RXRA: variants seen among roughly 807,000 people sequenced by gnomAD.
The protein encoded by RXRA is retinoid X receptor alpha.
A neutral mutation model predicts 44.5 loss-of-function variants in RXRA; 5 were observed. The ratio of observed to expected loss-of-function variants is 0.11; its 90% CI spans 0.06 to 0.24. The LOEUF is 0.24. Ranked by LOEUF, RXRA falls within the 10% of genes least tolerant of loss-of-function variation. The probability of loss-of-function intolerance (pLI) is 1.00; values close to 1 mark genes in which losing one functional copy is unlikely to be tolerated. For synonymous variants in RXRA, 291 were observed against 271.4 expected, an observed-to-expected ratio of 1.07 and a Z score of -0.71; for missense variants, 412 against 646.5, an observed-to-expected ratio of 0.64 and a Z score of 3.93.
intron 1 of RXRA, among the ~76,000 whole-genome samples, chr9:134,399,526 G>C (rs578226338): frequency 1.2e-3 from 186 of 152,294 alleles, no homozygotes; most frequent in African/African-American, 4.3e-3. Flanking sequence ...TGCACCTGGG[G>C]ATTCTGGATG....
chr9:134,430,088 G>T (rs550581316), intron 7 of RXRA, among the ~76,000 whole-genome samples: 1 of 152,118 alleles, frequency 6.6e-6, no homozygotes, highest in East Asian at 1.9e-4. Flanking sequence ...GGGTTTCACC[G>T]TGTTAGCCAG....
intron 1 of RXRA, among the ~76,000 whole-genome samples, chr9:134,391,506 G>A (rs1298959346): frequency 6.6e-6 from 1 of 152,202 alleles, no homozygotes; most frequent in African/African-American, 2.4e-5. Flanking sequence ...CACACAGGCG[G>A]GCTGTGGGGC....
rs1831488964 is a variant in RXRA at position 134,429,247 on chromosome 9, G to A, written c.1043+7G>A. 1.2e-6 allele frequency: 2 copies of A among 1,610,656 alleles called. No individual in the cohort carries two copies. The highest frequency in any genetic ancestry group is 4.5e-5 in the East Asian group (2 of 44,844). ...TGGGCGCCATCTTTGACAGGTGGGG[G>A]TGGTCCCGGGAGGGGCGAGGGCGCT... On this transcript the variant is annotated splice_region_variant and intron_variant, in intron 7 of 9. Transcript: ENST00000481739.
chr9:134,380,872 A>C (rs145442017), intron 1 of RXRA, among the ~76,000 whole-genome samples: 1 of 151,982 alleles, frequency 6.6e-6, no homozygotes, highest in Non-Finnish European at 1.5e-5. Context: ...CCTTCTACCC[A>C]TGGCCGGATC....
At chr9:134,409,244 C>A in intron 4 of RXRA, 125 bp downstream of exon 4, 1 of 1,020,298 alleles carries the variant, frequency 9.8e-7, no homozygotes, top group Non-Finnish European at 1.4e-6. Flanking sequence ...ATGGCAAGGC[C>A]AAGGCAGGAG....
At chr9:134,344,070 C>T (rs782684793) in intron 1 of RXRA, among the ~76,000 whole-genome samples, 1 of 152,236 alleles carries the variant, frequency 6.6e-6, no homozygotes, top group Non-Finnish European at 1.5e-5. Flanking sequence ...CTCTGCCTGG[C>T]GTGTGTGCCT....
chr9:134,368,895 TA>T (rs1830449484), intron 1 of RXRA, among the ~76,000 whole-genome samples: 2 of 57,116 alleles, frequency 3.5e-5, no homozygotes, highest in East Asian at 5.8e-4. Flanking sequence ...GTGCAGGGGT[TA>T]TGTGTGTGTG....
chr9:134,337,911 G>A (rs1830030834), intron 1 of RXRA, among the ~76,000 whole-genome samples: 1 of 152,128 alleles, frequency 6.6e-6, no homozygotes, highest in Non-Finnish European at 1.5e-5. Flanking sequence ...CAGTTCAGGT[G>A]GCCGCGTGCC....
chr9:134,429,205 C>T lies in RXRA; in HGVS notation c.1008C>T (p.Ser336=), dbSNP rs759299186. 166 of 1,612,726 alleles carry T rather than the reference C, an allele frequency of 1.0e-4. No homozygotes were observed. The highest frequency in any genetic ancestry group is 1.1e-4 in the Non-Finnish European group (127 of 1,179,930). Residue 336 remains serine, a synonymous_variant, in exon 7 of 10, where the codon AGC becomes AGT. Transcript: ENST00000481739. The part of the protein sequence containing the change: ...LATGLHVHRN[S]AHSAGVGAIF... ...CCGGGCTGCACGTCCACCGGAACAG[C>T]GCCCACAGCGCAGGGGTGGGCGCCA...
intron 1 of RXRA, among the ~76,000 whole-genome samples, chr9:134,376,425 C>T (rs1168279031): frequency 1.3e-5 from 2 of 152,210 alleles, no homozygotes; most frequent in Admixed American, 1.3e-4. Context: ...GAGGTCCCTC[C>T]AGTGGCCCAA....
At chr9:134,388,282 A>AGTGTGTGTGTGTGTGTGTGT (rs766270667) in intron 1 of RXRA, among the ~76,000 whole-genome samples, 1 of 17,872 alleles carries the variant, frequency 5.6e-5, no homozygotes, top group Non-Finnish European at 1.0e-4. Flanking sequence ...AGCTAGAAGC[A>AGTGTGTGTGTGTGTGTGTGT]GTGTGTGTGT....
At position 134,343,835 on chromosome 9, in the gene RXRA, C is replaced by T. The variant is rs782544407; in HGVS notation, c.28+17176C>T. Among the ~76,000 whole-genome samples the T allele has an allele frequency of 4.6e-5, 7 of 152,074 alleles. No individual in the cohort carries two copies. The highest frequency in any genetic ancestry group is 3.9e-4 in the East Asian group (2 of 5,144). On this transcript the variant is annotated intron_variant, in intron 1 of 9. Transcript: ENST00000481739. The surrounding 1 kb of genome is among the most constrained non-coding windows in gnomAD (Gnocchi z 4.1). ...AACTGTGGGGAAGAGTGTTTCTTCC[C>T]GGAAGGCGGGGCCAGCTGGCTGGGT...
chr9:134,371,146 C>T (rs1258948971), intron 1 of RXRA, among the ~76,000 whole-genome samples: 1 of 152,188 alleles, frequency 6.6e-6, no homozygotes, highest in Non-Finnish European at 1.5e-5. Context: ...TTCCCCATCA[C>T]ATTCCCACCC....
At chr9:134,393,805 T>C (rs1830834113) in intron 1 of RXRA, among the ~76,000 whole-genome samples, 1 of 152,186 alleles carries the variant, frequency 6.6e-6, no homozygotes, top group South Asian at 2.1e-4. Context: ...CTCCTGTGTG[T>C]GCTTCCCACT....
At chr9:134,336,340 T>C (rs73567692) in intron 1 of RXRA, among the ~76,000 whole-genome samples, 11,699 of 152,224 alleles carry the variant, frequency 0.077, 507 homozygotes, top group Admixed American at 0.15. Flanking sequence ...CGTCACCCCT[T>C]AGCGGCAACG....
chr9:134,406,859 C>T (rs34458528), intron 2 of RXRA, among the ~76,000 whole-genome samples: 7 of 152,248 alleles, frequency 4.6e-5, no homozygotes, highest in African/African-American at 9.6e-5. Flanking sequence ...CCTCTGCAGA[C>T]GTCTGGGGCT....
At chr9:134,431,612 G>C (rs376284104) in intron 7 of RXRA, among the ~76,000 whole-genome samples, 16 of 152,188 alleles carry the variant, frequency 1.1e-4, no homozygotes, top group African/African-American at 3.9e-4. Flanking sequence ...CTGTCACGAG[G>C]CCCCTCCTTA....
chr9:134,428,927 C>T (rs1588308019), intron 6 of RXRA, among the ~76,000 whole-genome samples, 181 bp from the exon 7 acceptor site: 1 of 152,206 alleles, frequency 6.6e-6, no homozygotes, highest in Non-Finnish European at 1.5e-5. Flanking sequence ...CCGGTGTGTA[C>T]TGTAGAACGG....
At chr9:134,422,490 C>G in intron 6 of RXRA, 1 of 1,217,820 alleles carries the variant, frequency 8.2e-7, no homozygotes, top group African/African-American at 1.5e-5. Flanking sequence ...GGACACTCCC[C>G]CCTCCCAGGA....
Sources: gnomAD v4.1 joint callset for allele counts (sites outside exome capture counted in the v4.1 genomes callset) on GRCh38, gnomAD v4.1.1 for gene constraint, Gnocchi (gnomAD v3.1) non-coding constraint, MANE v1.5 for transcripts, NCBI Gene and HGNC (gene_info 2026-07-23, HGNC 2026-07-21) for gene names.